Variants in DTNB observed in about 807,000 individuals in gnomAD.
DTNB encodes dystrobrevin beta, also known as DTN-B.
Under a neutral mutation model 90.7 loss-of-function variants are expected in DTNB, and 63 were observed. The ratio of observed to expected loss-of-function variants is 0.69; its 90% CI spans 0.57 to 0.86. DTNB has a LOEUF of 0.86. Ranked by LOEUF, DTNB falls within the 40% of genes least tolerant of loss-of-function variation. The pLI is 0.00. For missense variants in DTNB, 744 were observed against 807.1 expected, an observed-to-expected ratio of 0.92 and a Z score of 0.95; for synonymous variants, 277 against 286.7, an observed-to-expected ratio of 0.97 and a Z score of 0.34.
rs115980309 is a variant in DTNB at position 25,513,210 on chromosome 2, C to T, written c.1001+18263G>A. Among the ~76,000 whole-genome samples the T allele has an allele frequency of 8.3e-3, 1,266 of 152,240 alleles. 14 individuals are homozygous for T. The highest frequency in any genetic ancestry group is 0.029 in the African/African-American group (1,207 of 41,532). ...GTATACAAATCCTATTAAGAAATTC[C>T]ATTCAAATGAAATACAATCCTGAGG... is the stretch of plus-strand genomic sequence containing the variant. On this transcript the variant is annotated intron_variant, in intron 9 of 20. Coordinates refer to ENST00000406818, the MANE Select transcript of DTNB (RefSeq NM_021907.5).
chr2:25,570,624 A>G (rs2059726179), intron 8 of DTNB, among the ~76,000 whole-genome samples: 1 of 152,196 alleles, frequency 6.6e-6, no homozygotes, highest in South Asian at 2.1e-4. Flanking sequence ...GACTGTTGGC[A>G]GCATTTGACA....
chr2:25,589,234 T>C (rs1400444485), intron 6 of DTNB, among the ~76,000 whole-genome samples: 1 of 152,188 alleles, frequency 6.6e-6, no homozygotes, highest in African/African-American at 2.4e-5. Context: ...AAGGGAAATG[T>C]GGCATGGTGC....
intron 1 of DTNB, among the ~76,000 whole-genome samples, chr2:25,670,281 G>T (rs972362151): frequency 1.3e-5 from 2 of 152,268 alleles, no homozygotes. Context: ...ATATATACAT[G>T]AAAATACATA....
chr2:25,645,990 C>T (rs2148888656), intron 2 of DTNB, among the ~76,000 whole-genome samples: 1 of 152,202 alleles, frequency 6.6e-6, no homozygotes, highest in African/African-American at 2.4e-5. Flanking sequence ...AATTGAAGCA[C>T]AAAATATGAT....
chr2:25,541,052 CA>C lies in DTNB; in HGVS notation c.877-9456del, dbSNP rs556073197. On this transcript the variant is annotated intron_variant, in intron 8 of 20. Transcript: ENST00000406818. ...TGATCAATTAAAAAAAAAAAGAAAA[CA>C]AAAAAAAAAAAGAAAAGCTAGATGA... 9.9e-3 allele frequency among the ~76,000 whole-genome samples: 1,155 copies of C among 117,176 alleles called. 9 individuals are homozygous for C. Among genetic ancestry groups the C allele is most frequent in the African/African-American group, 0.031 (970 of 31,684 alleles). 76.9% of individuals were successfully genotyped at this position (117,176 alleles called of 152,430 possible). A position where few individuals can be genotyped will look rare whatever the true frequency, so the allele number is the denominator to read the frequency against.
chr2:25,493,305 G>T (rs991832840), intron 9 of DTNB, among the ~76,000 whole-genome samples: 1 of 151,912 alleles, frequency 6.6e-6, no homozygotes. Context: ...TTAATATTTT[G>T]TAGCCAGCTA....
chr2:25,527,170 G>T (rs925512473), intron 9 of DTNB, among the ~76,000 whole-genome samples: 1 of 151,888 alleles, frequency 6.6e-6, no homozygotes, highest in African/African-American at 2.4e-5. Context: ...TTCTACTAGG[G>T]GGAAAAAATA....
intron 10 of DTNB, among the ~76,000 whole-genome samples, chr2:25,455,810 G>C (rs1328843625): frequency 6.6e-6 from 1 of 152,208 alleles, no homozygotes; most frequent in Non-Finnish European, 1.5e-5. Context: ...TGCGCTCTGT[G>C]ATGATGCACT....
intron 15 of DTNB, 30 bp from the exon 16 acceptor site, chr2:25,419,565 A>G: frequency 6.4e-7 from 1 of 1,551,998 alleles, no homozygotes; most frequent in Non-Finnish European, 8.7e-7. Context: ...AAAAAAAGGC[A>G]GAGGAAAAAA....
chr2:25,510,332 T>TA (rs1047916672), intron 9 of DTNB, among the ~76,000 whole-genome samples: 3 of 152,056 alleles, frequency 2.0e-5, no homozygotes, highest in African/African-American at 7.2e-5. Flanking sequence ...ACTCCTTTTT[T>TA]AAAAAAATAT....
At chr2:25,585,062 C>CTT (rs1385344092) in intron 6 of DTNB, among the ~76,000 whole-genome samples, 2 of 152,046 alleles carry the variant, frequency 1.3e-5, no homozygotes, top group Admixed American at 6.6e-5. Flanking sequence ...TGTCCCCTAT[C>CTT]TTTTTATTTT....
Sources: gnomAD v4.1 joint callset for allele counts (sites outside exome capture counted in the v4.1 genomes callset) on GRCh38, gnomAD v4.1.1 for gene constraint, MANE v1.5 for transcripts, NCBI Gene and HGNC (gene_info 2026-07-23, HGNC 2026-07-21) for gene names.